The following MAP3K15 variants were observed in gnomAD, a reference collection of about 807,000 sequenced individuals.
MAP3K15 encodes the protein MAPK/ERK kinase kinase 15.
MAP3K15 carries 124 observed loss-of-function variants against 99.5 expected under a neutral mutation model. The ratio of observed to expected loss-of-function variants is 1.25; its 90% CI spans 1.08 to 1.45. The LOEUF (loss-of-function observed/expected upper bound fraction) is 1.45, where lower values mean the gene tolerates loss of function less well. MAP3K15 is among the 40% of genes most tolerant of loss of function. MAP3K15 has a pLI of 0.00. For synonymous variants in MAP3K15, 494 were observed against 439.6 expected (o/e 1.12, Z -1.55); for missense variants, 1,242 against 1,079.7 (o/e 1.15, Z -2.11).
chrX:19,468,732 A>G (rs1296333042), intron 3 of MAP3K15, among the ~76,000 whole-genome samples: 1 of 111,657 alleles, frequency 9.0e-6, no homozygotes, highest in Non-Finnish European at 1.9e-5. Context: ...CACGATATTG[A>G]TTCTTCCTAC....
At chrX:19,400,144 A>G (rs1248017436) in intron 14 of MAP3K15, among the ~76,000 whole-genome samples, 1 of 112,196 alleles carries the variant, frequency 8.9e-6, no homozygotes. Flanking sequence ...CTGTGCTGTT[A>G]AAAAGAGCTG....
At position 19,421,146 on chromosome X, in the gene MAP3K15, C is replaced by T. The variant is rs750998068; in HGVS notation, c.1439+4385G>A. ...ACAAGACAGGGATGCCCTCTCTCAC[C>T]GCTCCTATTCAACATAGTGTTGGAA... On this transcript the variant is annotated intron_variant, in intron 9 of 28. Coordinates refer to ENST00000338883, the MANE Select transcript of MAP3K15 (RefSeq NM_001001671.4). Among the ~76,000 whole-genome samples the T allele has an allele frequency of 2.9e-3, 320 of 110,597 alleles. 2 individuals carry two copies. Among genetic ancestry groups the T allele is most frequent in the African/African-American group, 0.01 (302 of 30,070 alleles).
intron 1 of MAP3K15, among the ~76,000 whole-genome samples, chrX:19,489,684 C>G (rs1222872288): frequency 9.0e-6 from 1 of 110,805 alleles, no homozygotes; most frequent in Non-Finnish European, 1.9e-5. Flanking sequence ...AGGTCCTCAC[C>G]AGACAATGAG....
At chrX:19,511,759 G>T (rs144874325) in intron 1 of MAP3K15, among the ~76,000 whole-genome samples, 17,057 of 111,160 alleles carry the variant, frequency 0.15, 981 homozygotes, top group African/African-American at 0.16. Context: ...AGACAGTGTG[G>T]CAATTCCTCA....
chrX:19,369,134 G>A lies in MAP3K15; in HGVS notation c.3486C>T (p.Ala1162=), dbSNP rs2063356391. 8.3e-7 allele frequency: 1 copy of A among 1,211,040 alleles called. No individual in the cohort carries two copies. Among genetic ancestry groups the A allele is most frequent in the Non-Finnish European group, 1.1e-6 (1 of 895,292 alleles). Residue 1162 remains alanine, a synonymous_variant, in exon 25 of 29, where the codon GCC becomes GCT. Coordinates refer to ENST00000338883, the MANE Select transcript of MAP3K15 (RefSeq NM_001001671.4). ...GCTGGGCCTCCTGGCCAGGTCCGGTGGCTGGGGGATAGCCCTCTTCCGCTT... is the reference window on the plus strand; with the variant it reads ...GCTGGGCCTCCTGGCCAGGTCCGGTAGCTGGGGGATAGCCCTCTTCCGCTT... ...MDEAEEGYPP[A]TGPGQEAQPH... is the part of the protein sequence containing the mutation.
intron 9 of MAP3K15, among the ~76,000 whole-genome samples, chrX:19,416,531 C>T (rs1042821581): frequency 3.6e-5 from 4 of 111,506 alleles, no homozygotes; most frequent in African/African-American, 1.3e-4. Flanking sequence ...ACTAGTGATA[C>T]TGGAAATGCT....
intron 3 of MAP3K15, among the ~76,000 whole-genome samples, chrX:19,471,414 C>T (rs1416472453): frequency 9.0e-6 from 1 of 110,570 alleles, no homozygotes; most frequent in African/African-American, 3.3e-5. Flanking sequence ...AAGGCATGCA[C>T]CACCACACCA....
At chrX:19,405,042 G>A (rs924337558) in intron 13 of MAP3K15, among the ~76,000 whole-genome samples, 2 of 109,798 alleles carry the variant, frequency 1.8e-5, no homozygotes, top group Admixed American at 9.7e-5. Flanking sequence ...AAAAACTTTC[G>A]TGCTGCAAGT....
At chrX:19,464,170 C>G (rs749734167) in intron 4 of MAP3K15, 43 bp downstream of exon 4, 15 of 1,084,597 alleles carry the variant, frequency 1.4e-5, no homozygotes. Context: ...ATGGGGACAT[C>G]TTGGTGAGTC....
At chrX:19,413,334 T>C in intron 11 of MAP3K15, 23 bp downstream of exon 11, 2 of 1,121,886 alleles carry the variant, frequency 1.8e-6, no homozygotes, top group Non-Finnish European at 1.2e-6. Flanking sequence ...CTGATTAAAT[T>C]GCTTGTGATT....
At chrX:19,496,972 C>T (rs2064407908) in intron 1 of MAP3K15, 1 of 110,578 alleles carries the variant, frequency 9.0e-6, no homozygotes, top group Non-Finnish European at 1.9e-5. Flanking sequence ...GAACTTGCCC[C>T]TTCTAATTTC....
rs191734662 is a variant in MAP3K15 at position 19,426,209 on chromosome X, C to G, written c.1279+22G>C. 9 of 878,291 alleles carry G rather than the reference C, an allele frequency of 1.0e-5. No homozygotes were observed. The East Asian group carries it at 2.4e-4, about 24-fold the overall frequency. The allele number at this position is 878,291 out of a possible 1,213,427, so 72.4% of individuals were successfully genotyped here. A position where few individuals can be genotyped will look rare whatever the true frequency, so the allele number is the denominator to read the frequency against. On this transcript the variant is annotated intron_variant, in intron 8 of 28. Transcript: ENST00000338883. ...ACTTGTATAATCAAAGCAACAACAT[C>G]TGCAATAATAAGCAGCTTTACCTAT...
chrX:19,373,588 C>T lies in MAP3K15; in HGVS notation c.2881G>A (p.Ala961Thr), dbSNP rs765404542. The change falls in exon 21 of 29, where the codon GCA becomes ACA. Residue 961 changes from alanine (A) to threonine (T), a missense_variant. Physicochemically the swap from Ala to Thr is moderately conservative, Grantham distance 58 (BLOSUM62 0). Coordinates refer to ENST00000338883, the MANE Select transcript of MAP3K15 (RefSeq NM_001001671.4). ...VSPDSDAQPDALFERTRAPRH... is the reference protein window; with the variant it reads ...VSPDSDAQPDTLFERTRAPRH... ...GGCGCCCGGGTCCTCTCAAAGAGTGCGTCAGGCTGGGCGTCGGAGTCTGGG... is the reference window on the plus strand; with the variant it reads ...GGCGCCCGGGTCCTCTCAAAGAGTGTGTCAGGCTGGGCGTCGGAGTCTGGG... 5.9e-5 allele frequency: 70 copies of T among 1,179,372 alleles called. No individual in the cohort carries two copies. The highest frequency in any genetic ancestry group is 7.3e-5 in the Non-Finnish European group (64 of 880,217).
intron 7 of MAP3K15, among the ~76,000 whole-genome samples, chrX:19,428,126 G>T (rs1048766577): frequency 1.8e-5 from 2 of 111,629 alleles, no homozygotes; most frequent in African/African-American, 6.5e-5. Flanking sequence ...CCAGCCCTGT[G>T]GTCTTGGACC....
chrX:19,364,852 C>T (rs1412356196), intron 25 of MAP3K15, among the ~76,000 whole-genome samples: 1 of 99,896 alleles, frequency 1.0e-5, no homozygotes, highest in African/African-American at 3.9e-5. Flanking sequence ...AAGATGGCAC[C>T]ATTGTACTCC....
intron 1 of MAP3K15, among the ~76,000 whole-genome samples, chrX:19,502,718 G>C (rs2064448660): frequency 8.9e-6 from 1 of 111,826 alleles, no homozygotes; most frequent in South Asian, 3.7e-4. Flanking sequence ...CTACTCTGGA[G>C]GCTGTGACTG....
intron 3 of MAP3K15, among the ~76,000 whole-genome samples, chrX:19,474,543 T>C (rs10482262): frequency 7.9e-5 from 5 of 63,688 alleles, no homozygotes; most frequent in Admixed American, 2.2e-4. Flanking sequence ...TCTTGGAGGT[T>C]GGGGGGGGGG....
chrX:19,429,780 G>C lies in MAP3K15; in HGVS notation c.1166+1658C>G, dbSNP rs908615557. On this transcript the variant is annotated intron_variant, in intron 7 of 28. Transcript: ENST00000338883. ...AAAGGAAGAGAGAGAGAGAGAGAGAGAGAGAGAGAGAGAGAGAGAGAGAGA... is the reference window on the plus strand; with the variant it reads ...AAAGGAAGAGAGAGAGAGAGAGAGACAGAGAGAGAGAGAGAGAGAGAGAGA... Among the ~76,000 whole-genome samples, 7 of 57,528 alleles carry C rather than the reference G, an allele frequency of 1.2e-4. No homozygotes were observed. The African/African-American group carries it at 1.2e-3, about 10-fold the overall frequency. The allele number at this position is 57,528 out of a possible 115,157, so 50.0% of individuals were successfully genotyped here.
chrX:19,508,883 C>CA (rs759668382), intron 1 of MAP3K15, among the ~76,000 whole-genome samples: 53 of 107,428 alleles, frequency 4.9e-4, no homozygotes, highest in African/African-American at 1.6e-3. Context: ...GACCCTGTCT[C>CA]AAAAAAAAAT....
Sources: gnomAD v4.1 joint callset for allele counts (sites outside exome capture counted in the v4.1 genomes callset) on GRCh38, gnomAD v4.1.1 for gene constraint, MANE v1.5 for transcripts, NCBI Gene and HGNC (gene_info 2026-07-23, HGNC 2026-07-21) for gene names.